Variants in EML6 observed in about 807,000 individuals in gnomAD.
The protein encoded by EML6 is echinoderm microtubule-associated protein-like 6.
A neutral mutation model predicts 240.1 loss-of-function variants in EML6; 154 were observed. The observed-to-expected ratio is 0.64, with a 90% confidence interval of 0.56 to 0.73. The LOEUF (loss-of-function observed/expected upper bound fraction) is 0.73, where lower values mean the gene tolerates loss of function less well. Among genes scored for constraint, EML6 ranks in the 30% least tolerant of loss-of-function variants. EML6 has a pLI of 0.00. For missense variants in EML6, 2,964 were observed against 2,474.6 expected, an observed-to-expected ratio of 1.20 and a Z score of -4.20; for synonymous variants, 1,148 against 899.0, an observed-to-expected ratio of 1.28 and a Z score of -4.95.
At chr2:54,779,871 A>G (rs1328913832) in intron 2 of EML6, among the ~76,000 whole-genome samples, 3 of 151,236 alleles carry the variant, frequency 2.0e-5, no homozygotes, top group Non-Finnish European at 4.4e-5. Flanking sequence ...AAAAGAAAAA[A>G]AAAAAAAAAA....
chr2:54,959,445 G>C (rs1321479241), intron 34 of EML6, among the ~76,000 whole-genome samples, 184 bp downstream of exon 34: 4 of 152,184 alleles, frequency 2.6e-5, no homozygotes, highest in Admixed American at 6.5e-5. Context: ...GAAGAGAGGA[G>C]TGCAGAGGTG....
chr2:54,831,350 C>T (rs942388970), intron 7 of EML6, among the ~76,000 whole-genome samples: 6 of 152,146 alleles, frequency 3.9e-5, no homozygotes, highest in East Asian at 1.9e-4. Flanking sequence ...CATTGGTTTA[C>T]GCTGCTATAC....
intron 17 of EML6, among the ~76,000 whole-genome samples, chr2:54,883,160 C>T (rs543003556): frequency 1.3e-3 from 196 of 151,832 alleles, no homozygotes; most frequent in Non-Finnish European, 2.0e-3. Context: ...TCTATAATTC[C>T]ACTACCCAGA....
At chr2:54,919,482 C>T (rs1674109984) in intron 26 of EML6, among the ~76,000 whole-genome samples, 1 of 152,100 alleles carries the variant, frequency 6.6e-6, no homozygotes, top group African/African-American at 2.4e-5. Flanking sequence ...GTGAGTAGCC[C>T]TGAGATACAC....
chr2:54,816,827 G>A lies in EML6; in HGVS notation c.398G>A (p.Cys133Tyr). The change falls in exon 4 of 42, where the codon TGC becomes TAC. Residue 133 changes from cysteine (C) to tyrosine (Y), a missense_variant. Physicochemically the swap from Cys to Tyr is radical, Grantham distance 194. Coordinates refer to ENST00000356458, the MANE Select transcript of EML6 (RefSeq NM_001039753.4). ...GGGTTGGATGCCAAAAACACAGTCTGCATTTGGGACTGGAGGAAGGGAAAA... is the reference window on the plus strand; with the variant it reads ...GGGTTGGATGCCAAAAACACAGTCTACATTTGGGACTGGAGGAAGGGAAAA... ...SVGLDAKNTVCIWDWRKGKLL... is the reference protein window; with the variant it reads ...SVGLDAKNTVYIWDWRKGKLL... 1.9e-6 allele frequency: 3 copies of A among 1,551,566 alleles called. No individual in the cohort carries two copies. The highest frequency in any genetic ancestry group is 2.6e-6 in the Non-Finnish European group (3 of 1,146,878).
At chr2:54,847,419 G>T in intron 8 of EML6, 67 bp from the exon 9 acceptor site, 1 of 1,514,392 alleles carries the variant, frequency 6.6e-7, no homozygotes, top group Non-Finnish European at 8.9e-7. Context: ...AGCCCTTCTT[G>T]CCTTGGGCTG....
At chr2:54,779,644 T>C (rs1399458777) in intron 2 of EML6, among the ~76,000 whole-genome samples, 1 of 151,542 alleles carries the variant, frequency 6.6e-6, no homozygotes, top group African/African-American at 2.4e-5. Flanking sequence ...GGTCGATCGC[T>C]TGAGCTCAGG....
intron 28 of EML6, among the ~76,000 whole-genome samples, chr2:54,938,214 C>T (rs113561305): frequency 9.1e-4 from 138 of 152,160 alleles, no homozygotes; most frequent in African/African-American, 2.9e-3. Flanking sequence ...GGCATGGTGG[C>T]GGGCACCTGT....
At chr2:54,847,374 C>T (rs1669822411) in intron 8 of EML6, 112 bp from the exon 9 acceptor site, 8 of 1,146,576 alleles carry the variant, frequency 7.0e-6, no homozygotes, top group South Asian at 3.1e-5. Context: ...TGTGAAGTTC[C>T]TATGTCTTTT....
chr2:54,831,430 G>A (rs1489503644), intron 7 of EML6, among the ~76,000 whole-genome samples: 2 of 152,036 alleles, frequency 1.3e-5, no homozygotes, highest in African/African-American at 2.4e-5. Flanking sequence ...TCTGAATGAG[G>A]ATCTGTGTAA....
chr2:54,950,273 C>G (rs1675908845), intron 29 of EML6, among the ~76,000 whole-genome samples: 1 of 152,194 alleles, frequency 6.6e-6, no homozygotes, highest in Non-Finnish European at 1.5e-5. Flanking sequence ...TTTATTAGAG[C>G]AAACCTCTGA....
intron 2 of EML6, among the ~76,000 whole-genome samples, chr2:54,797,177 A>AAAAAAAAAAAAAAC (rs1669850770): frequency 2.3e-4 from 30 of 132,746 alleles, no homozygotes; most frequent in Non-Finnish European, 2.9e-4. Flanking sequence ...AAAAAAAAAA[A>AAAAAAAAAAAAAAC]AAAAAAAAAA....
At chr2:54,763,289 T>A (rs11691922) in intron 2 of EML6, among the ~76,000 whole-genome samples, 11,249 of 152,298 alleles carry the variant, frequency 0.074, 602 homozygotes, top group East Asian at 0.31. Flanking sequence ...TTGGATTAGT[T>A]CTGTATTTTA....
Position 54,869,290 on chromosome 2 carries a change from A to G in EML6, c.2161A>G (p.Arg721Gly). ...GTATAATCGGCAGCAGCACTCCCAG[A>G]GGCTGTACCTGGGGCACGATGACGA... ...VVYNRQQHSQ[R>G]LYLGHDDDIL... Residue 721 changes from arginine (R) to glycine (G), a missense_variant, in exon 15 of 42, where the codon AGG (arginine) becomes GGG (glycine). Physicochemically the swap from Arg to Gly is moderately radical, Grantham distance 125. Coordinates refer to ENST00000356458, the MANE Select transcript of EML6 (RefSeq NM_001039753.4). The G allele has an allele frequency of 6.4e-7, 1 of 1,551,740 alleles. No individual in the cohort carries two copies. Among genetic ancestry groups the G allele is most frequent in the East Asian group, 2.4e-5 (1 of 40,928 alleles).
At chr2:54,919,789 A>G (rs1383364786) in intron 26 of EML6, among the ~76,000 whole-genome samples, 5 of 152,126 alleles carry the variant, frequency 3.3e-5, no homozygotes, top group Non-Finnish European at 2.9e-5. Flanking sequence ...GCTTATCTAT[A>G]TATTAGTCAT....
chr2:54,964,513 C>T, intron 37 of EML6, 58 bp from the exon 38 acceptor site: 6 of 1,509,100 alleles, frequency 4.0e-6, no homozygotes, highest in Non-Finnish European at 5.4e-6. Context: ...AGCCTTCGTG[C>T]CTGACCAGCC....
At chr2:54,883,448 A>T (rs1046762422) in intron 17 of EML6, among the ~76,000 whole-genome samples, 24 of 152,204 alleles carry the variant, frequency 1.6e-4, no homozygotes, top group Admixed American at 2.0e-4. Flanking sequence ...GGGAGAACAA[A>T]ATTACACACA....
At chr2:54,792,785 G>A (rs1385816738) in intron 2 of EML6, among the ~76,000 whole-genome samples, 3 of 152,110 alleles carry the variant, frequency 2.0e-5, no homozygotes, top group African/African-American at 4.8e-5. Flanking sequence ...ATAGAAATAC[G>A]ACATTGTTCA....
intron 2 of EML6, among the ~76,000 whole-genome samples, chr2:54,736,768 C>T (rs540095058): frequency 6.6e-6 from 1 of 152,178 alleles, no homozygotes. Flanking sequence ...ACCTCCCCTG[C>T]CCTTTGCCTC....
Sources: allele counts gnomAD v4.1 joint callset (sites outside exome capture counted in the v4.1 genomes callset), GRCh38; gene constraint gnomAD v4.1.1; transcripts MANE v1.5; gene names NCBI Gene and HGNC (gene_info 2026-07-23, HGNC 2026-07-21).